SIL1: variants seen among roughly 807,000 people sequenced by gnomAD.
The protein encoded by SIL1 is SIL1 nucleotide exchange factor, also known as nucleotide exchange factor SIL1.
A neutral mutation model predicts 49.1 loss-of-function variants in SIL1; 40 were observed. The observed-to-expected ratio is 0.81, with a 90% confidence interval of 0.63 to 1.06. The LOEUF is 1.06. Among genes scored for constraint, SIL1 ranks in the 50% least tolerant of loss-of-function variants. The pLI, the probability that SIL1 is intolerant of heterozygous loss-of-function variation, is 0.00. For synonymous variants in SIL1, 253 were observed against 250.8 expected (o/e 1.01, Z -0.08); for missense variants, 500 against 572.6 (o/e 0.87, Z 1.29).
At chr5:139,021,330 A>C in intron 6 of SIL1, 38 bp from the exon 7 acceptor site, 1 of 1,612,588 alleles carries the variant, frequency 6.2e-7, no homozygotes, top group South Asian at 1.1e-5. Flanking sequence ...CATAGCCATC[A>C]GGGACAGGAA....
chr5:139,020,366 A>G (rs767529221), intron 7 of SIL1, among the ~76,000 whole-genome samples: 3 of 152,276 alleles, frequency 2.0e-5, no homozygotes, highest in Non-Finnish European at 4.4e-5. Context: ...AACAAAGCCT[A>G]TAATGGTAAA....
At chr5:139,066,903 C>T (rs1480403814) in intron 3 of SIL1, among the ~76,000 whole-genome samples, 1 of 152,072 alleles carries the variant, frequency 6.6e-6, no homozygotes, top group African/African-American at 2.4e-5. Context: ...AGGGTTTCGC[C>T]ATGTTGCCTC....
At chr5:139,197,910 G>A (rs974200211) in intron 1 of SIL1, among the ~76,000 whole-genome samples, 11 of 152,228 alleles carry the variant, frequency 7.2e-5, no homozygotes, top group Admixed American at 2.0e-4. Context: ...GGGTCTCGGA[G>A]ATCAACACCA....
intron 1 of SIL1, among the ~76,000 whole-genome samples, chr5:139,147,784 TTTAA>T (rs1280812479): frequency 6.6e-6 from 1 of 152,232 alleles, no homozygotes; most frequent in Non-Finnish European, 1.5e-5. Context: ...AATAACTGTG[TTTAA>T]TGTCAACAAA....
intron 7 of SIL1, among the ~76,000 whole-genome samples, chr5:138,990,578 C>T (rs1008425198): frequency 5.9e-5 from 9 of 152,170 alleles, no homozygotes; most frequent in African/African-American, 2.2e-4. Flanking sequence ...CTTCAGTCTC[C>T]AACCATGCCT....
At chr5:139,023,681 G>A (rs1331843642) in intron 6 of SIL1, among the ~76,000 whole-genome samples, 1 of 152,232 alleles carries the variant, frequency 6.6e-6, no homozygotes, top group African/African-American at 2.4e-5. Flanking sequence ...CCACCATTCA[G>A]TGAGTCTGGA....
intron 1 of SIL1, among the ~76,000 whole-genome samples, chr5:139,135,306 G>A (rs1750949670): frequency 6.6e-6 from 1 of 152,144 alleles, no homozygotes; most frequent in African/African-American, 2.4e-5. Context: ...GCCAAGCAAA[G>A]AGGGACTGCT....
At chr5:138,973,336 A>C (rs535134753) in intron 7 of SIL1, among the ~76,000 whole-genome samples, 1 of 152,074 alleles carries the variant, frequency 6.6e-6, no homozygotes, top group African/African-American at 2.4e-5. Flanking sequence ...TTTTATAATA[A>C]GTAATTTAAA....
chr5:139,134,585 T>G (rs1750935174), intron 1 of SIL1, among the ~76,000 whole-genome samples: 1 of 152,176 alleles, frequency 6.6e-6, no homozygotes, highest in Non-Finnish European at 1.5e-5. Flanking sequence ...GACCAAAGCC[T>G]TTTGTTGGGT....
chr5:138,991,772 A>C (rs192113469), intron 7 of SIL1, among the ~76,000 whole-genome samples: 104 of 152,380 alleles, frequency 6.8e-4, no homozygotes, highest in African/African-American at 2.4e-3. Flanking sequence ...ACTCAAAAGT[A>C]TTTGGCAGAA....
chr5:138,989,119 T>C (rs1767702894), intron 7 of SIL1, among the ~76,000 whole-genome samples: 1 of 152,226 alleles, frequency 6.6e-6, no homozygotes, highest in African/African-American at 2.4e-5. Context: ...CGTTTGAATT[T>C]TGAGCCATGT....
At chr5:139,195,449 G>A (rs371516310) in intron 1 of SIL1, among the ~76,000 whole-genome samples, 3 of 151,950 alleles carry the variant, frequency 2.0e-5, no homozygotes, top group East Asian at 1.9e-4. Context: ...AGTGAATGGC[G>A]TGATCTCCGC....
intron 1 of SIL1, among the ~76,000 whole-genome samples, chr5:139,171,754 A>G (rs1042508892): frequency 6.6e-6 from 1 of 151,838 alleles, no homozygotes; most frequent in Non-Finnish European, 1.5e-5. Context: ...AAAATAAACC[A>G]AAAGAAACTA....
rs533206507 is a variant in SIL1 at position 138,975,146 on chromosome 5, T to C, written c.768-23262A>G. On this transcript the variant is annotated intron_variant, in intron 7 of 9. Transcript: ENST00000394817. ...CTACTCTCATCTTGAAATTACTGGA[T>C]TTCAAGGTAAGAAAAATGGCTCCCT... Among the ~76,000 whole-genome samples the C allele has an allele frequency of 9.2e-5, 14 of 152,250 alleles. No homozygotes were observed. The East Asian group carries it at 2.5e-3, about 27-fold the overall frequency.
At chr5:139,177,231 C>CTTTAT (rs1212142364) in intron 1 of SIL1, among the ~76,000 whole-genome samples, 1 of 150,596 alleles carries the variant, frequency 6.6e-6, no homozygotes, top group African/African-American at 2.4e-5. Flanking sequence ...CACGCCTGGC[C>CTTTAT]TTTATTTTAT....
intron 6 of SIL1, among the ~76,000 whole-genome samples, chr5:139,026,354 C>A (rs1331741999): frequency 6.6e-6 from 1 of 152,114 alleles, no homozygotes; most frequent in African/African-American, 2.4e-5. Flanking sequence ...GTAATCCCAG[C>A]ACTTTGGGAG....
At chr5:138,995,514 T>G (rs1767846491) in intron 7 of SIL1, among the ~76,000 whole-genome samples, 1 of 152,232 alleles carries the variant, frequency 6.6e-6, no homozygotes, top group Non-Finnish European at 1.5e-5. Context: ...GTGCTGGGAT[T>G]ACAGGCATGA....
chr5:139,073,232 T>C (rs541248708), intron 3 of SIL1, among the ~76,000 whole-genome samples: 2 of 152,274 alleles, frequency 1.3e-5, no homozygotes, highest in East Asian at 3.9e-4. Flanking sequence ...AAAATCAGCA[T>C]GTCATAGAGA....
intron 5 of SIL1, chr5:139,035,653 T>C (rs1028379706): frequency 1.9e-5 from 5 of 267,468 alleles, no homozygotes; most frequent in Non-Finnish European, 2.9e-5. Flanking sequence ...TTTTTTTTTT[T>C]TTTTTTTTTT....
Sources: gnomAD v4.1 joint callset for allele counts (sites outside exome capture counted in the v4.1 genomes callset) on GRCh38, gnomAD v4.1.1 for gene constraint, MANE v1.5 for transcripts, NCBI Gene and HGNC (gene_info 2026-07-23, HGNC 2026-07-21) for gene names.